The following CFAP221 variants were observed in gnomAD, a reference collection of about 807,000 sequenced individuals.
The protein encoded by CFAP221 is cilia- and flagella-associated protein 221.
CFAP221 carries 97 observed loss-of-function variants against 113.1 expected under a neutral mutation model. The observed-to-expected ratio is 0.86, with a 90% CI of 0.73 to 1.02. The LOEUF is 1.02. CFAP221 is among the 50% of genes least tolerant of loss of function. The pLI is 0.00. For missense variants in CFAP221, 1,025 were observed against 1,013.4 expected, an observed-to-expected ratio of 1.01 and a Z score of -0.16; for synonymous variants, 331 against 354.4, an observed-to-expected ratio of 0.93 and a Z score of 0.74.
intron 3 of CFAP221, among the ~76,000 whole-genome samples, chr2:119,553,401 C>T (rs978083819): frequency 6.6e-6 from 1 of 151,976 alleles, no homozygotes; most frequent in Non-Finnish European, 1.5e-5. Flanking sequence ...AGAATATCAA[C>T]GTAAGGAACG....
chr2:119,626,886 C>A (rs1457791228), intron 15 of CFAP221, among the ~76,000 whole-genome samples: 3 of 151,166 alleles, frequency 2.0e-5, no homozygotes, highest in Non-Finnish European at 4.4e-5. Flanking sequence ...GCTATGATCG[C>A]ACCACTGCAC....
chr2:119,623,972 G>T (rs1261323133), intron 14 of CFAP221, among the ~76,000 whole-genome samples: 4 of 152,120 alleles, frequency 2.6e-5, no homozygotes, highest in African/African-American at 9.7e-5. Flanking sequence ...AAGACTTCAT[G>T]ACTAAAACAC....
rs750984208 is a variant in CFAP221, at chr2:119,627,805, G to C, written c.1650+19G>C. 1.2e-6 allele frequency: 2 copies of C among 1,612,596 alleles called. No individual in the cohort carries two copies. The highest frequency in any genetic ancestry group is 1.3e-5 in the African/African-American group (1 of 74,774). On this transcript the variant is annotated intron_variant, in intron 16 of 23. Coordinates refer to ENST00000413369, the MANE Select transcript of CFAP221 (RefSeq NM_001271049.2). ...CGAGTTGGTAGGTGCCGTCAGGCTT[G>C]GGGGCGGGGAGTGGACATGATCATG...
chr2:119,574,542 G>A (rs889741204), intron 6 of CFAP221, among the ~76,000 whole-genome samples: 1 of 152,184 alleles, frequency 6.6e-6, no homozygotes, highest in African/African-American at 2.4e-5. Context: ...TTTTGGCCCT[G>A]GAGAGACACC....
At chr2:119,595,537 G>A (rs1683902184) in intron 7 of CFAP221, among the ~76,000 whole-genome samples, 1 of 151,912 alleles carries the variant, frequency 6.6e-6, no homozygotes, top group Non-Finnish European at 1.5e-5. Context: ...GTTTCTGCCG[G>A]GCTCACCTCC....
At chr2:119,655,198 T>C (rs1405501794) in intron 23 of CFAP221, among the ~76,000 whole-genome samples, 1 of 152,250 alleles carries the variant, frequency 6.6e-6, no homozygotes, top group Non-Finnish European at 1.5e-5. Flanking sequence ...AGAGATTCTC[T>C]GCTGCCTGGA....
chr2:119,651,092 C>G (rs1688103598), intron 22 of CFAP221, among the ~76,000 whole-genome samples: 1 of 152,166 alleles, frequency 6.6e-6, no homozygotes, highest in Non-Finnish European at 1.5e-5. Flanking sequence ...TAAGTGTTTG[C>G]TGATGGAATG....
chr2:119,624,149 C>A (rs1402322707), intron 14 of CFAP221, among the ~76,000 whole-genome samples: 1 of 152,150 alleles, frequency 6.6e-6, no homozygotes, highest in Non-Finnish European at 1.5e-5. Flanking sequence ...CCAGAATATA[C>A]AAGGAACTCA....
intron 6 of CFAP221, chr2:119,572,554 C>G: frequency 1.4e-6 from 1 of 701,324 alleles, no homozygotes; most frequent in African/African-American, 1.7e-5. Flanking sequence ...CCAACAGCGT[C>G]TTCCTGGTAC....
chr2:119,566,553 G>A (rs1681642329), intron 6 of CFAP221, among the ~76,000 whole-genome samples: 1 of 151,640 alleles, frequency 6.6e-6, no homozygotes, highest in African/African-American at 2.4e-5. Context: ...CTTAGCATGA[G>A]TACCCCCCCA....
intron 14 of CFAP221, 42 bp downstream of exon 14, chr2:119,615,751 A>G (rs757344629): frequency 1.4e-6 from 2 of 1,469,758 alleles, no homozygotes; most frequent in African/African-American, 1.4e-5. Flanking sequence ...TTGTTTACTC[A>G]TCAGCATAAG....
At chr2:119,561,327 T>C (rs2920695) in intron 5 of CFAP221, among the ~76,000 whole-genome samples, 81,728 of 151,938 alleles carry the variant, frequency 0.54, 22,403 homozygotes, top group East Asian at 0.73. Flanking sequence ...ACCAGAATAT[T>C]GCTTTCAGAT....
intron 1 of CFAP221, among the ~76,000 whole-genome samples, chr2:119,544,822 C>T (rs1273722061): frequency 6.6e-6 from 1 of 152,032 alleles, no homozygotes; most frequent in East Asian, 1.9e-4. Flanking sequence ...GCGGTGAGAC[C>T]CGGAGCCAGG....
At chr2:119,578,815 C>T (rs1388914250) in intron 6 of CFAP221, among the ~76,000 whole-genome samples, 1 of 152,142 alleles carries the variant, frequency 6.6e-6, no homozygotes, top group Non-Finnish European at 1.5e-5. Flanking sequence ...AGCCTCTTCA[C>T]CCCCCTCTCT....
At chr2:119,566,897 G>T (rs1558919213) in intron 6 of CFAP221, among the ~76,000 whole-genome samples, 1 of 151,906 alleles carries the variant, frequency 6.6e-6, no homozygotes, top group Non-Finnish European at 1.5e-5. Flanking sequence ...AATATATGTA[G>T]CATAAAATTT....
At chr2:119,616,250 G>T (rs1558965666) in intron 14 of CFAP221, among the ~76,000 whole-genome samples, 1 of 151,978 alleles carries the variant, frequency 6.6e-6, no homozygotes, top group Non-Finnish European at 1.5e-5. Flanking sequence ...TTATTTCCTA[G>T]GCTTGTACAT....
intron 15 of CFAP221, among the ~76,000 whole-genome samples, 195 bp from the exon 16 acceptor site, chr2:119,627,458 A>G (rs1686391562): frequency 6.6e-6 from 1 of 151,920 alleles, no homozygotes; most frequent in Non-Finnish European, 1.5e-5. Context: ...GGAAATAAAG[A>G]TAAAATTTTT....
intron 6 of CFAP221, chr2:119,572,521 A>G (rs1236083674): frequency 2.9e-6 from 2 of 693,846 alleles, no homozygotes; most frequent in Non-Finnish European, 5.3e-6. Context: ...ATTCATGTTA[A>G]TTCATCATGC....
At chr2:119,552,019 T>C (rs1680469030) in intron 3 of CFAP221, among the ~76,000 whole-genome samples, 1 of 152,182 alleles carries the variant, frequency 6.6e-6, no homozygotes, top group African/African-American at 2.4e-5. Context: ...AAGGGTCCTG[T>C]AGTTTCAAGA....
Sources: allele counts gnomAD v4.1 joint callset (sites outside exome capture counted in the v4.1 genomes callset), GRCh38; gene constraint gnomAD v4.1.1; transcripts MANE v1.5; gene names NCBI Gene and HGNC (gene_info 2026-07-23, HGNC 2026-07-21).